RABGAP1: variants seen among roughly 807,000 people sequenced by gnomAD.
RABGAP1 encodes RAB GTPase activating protein 1.
Under a neutral mutation model 137.6 loss-of-function variants are expected in RABGAP1, and 23 were observed. The ratio of observed to expected loss-of-function variants is 0.17; its 90% CI spans 0.12 to 0.24. The LOEUF (loss-of-function observed/expected upper bound fraction) is 0.24. Ranked by LOEUF, RABGAP1 falls within the 10% of genes least tolerant of loss-of-function variation. The pLI is 1.00. For missense variants in RABGAP1, 906 were observed against 1,275.8 expected (o/e 0.71, Z 4.42); for synonymous variants, 451 against 450.7 (o/e 1.00, Z -0.01).
intron 22 of RABGAP1, among the ~76,000 whole-genome samples, chr9:123,098,113 C>A (rs765092195): frequency 6.6e-6 from 1 of 152,220 alleles, no homozygotes; most frequent in Non-Finnish European, 1.5e-5. Context: ...GGGTAGAATT[C>A]CTGCAGAAGG....
intron 13 of RABGAP1, among the ~76,000 whole-genome samples, chr9:123,057,928 C>T (rs946173715): frequency 6.6e-6 from 1 of 152,220 alleles, no homozygotes; most frequent in African/African-American, 2.4e-5. Context: ...CGGCGCGCGC[C>T]TGCAATCACA....
intron 13 of RABGAP1, among the ~76,000 whole-genome samples, chr9:123,044,357 T>C (rs1031246099): frequency 6.6e-6 from 1 of 152,216 alleles, no homozygotes; most frequent in Admixed American, 6.5e-5. Flanking sequence ...TATGGTTCTT[T>C]ACAAAGCCAT....
intron 13 of RABGAP1, among the ~76,000 whole-genome samples, chr9:123,053,646 G>T (rs1417737007): frequency 6.6e-6 from 1 of 152,126 alleles, no homozygotes. Flanking sequence ...GTGGGTTTTG[G>T]TGGTGTTTTT....
intron 2 of RABGAP1, among the ~76,000 whole-genome samples, chr9:122,981,510 A>G (rs1041309067): frequency 2.8e-4 from 43 of 152,296 alleles, no homozygotes; most frequent in African/African-American, 7.7e-4. Flanking sequence ...CTCAGAGTGC[A>G]GTTCCCAGAC....
At position 122,944,431 on chromosome 9, in the gene RABGAP1, T is replaced by C. The variant is rs1833817217; in HGVS notation, c.-50+3338T>C. 2.0e-5 allele frequency among the ~76,000 whole-genome samples: 3 copies of C among 152,174 alleles called. No homozygotes were observed. In the South Asian group the frequency reaches 6.2e-4, roughly 31 times the overall value. ...TGTTTGTAGAGACTGGGTTTCACTG[T>C]GTGGCCCAAGCTGTTATCAAACACC... On this transcript the variant is annotated intron_variant, in intron 1 of 25. Coordinates refer to ENST00000373647, the MANE Select transcript of RABGAP1 (RefSeq NM_012197.4).
intron 11 of RABGAP1, among the ~76,000 whole-genome samples, chr9:123,011,101 C>T (rs1177439654): frequency 6.6e-6 from 1 of 151,768 alleles, no homozygotes; most frequent in Admixed American, 6.6e-5. Context: ...GGAAGGGAGC[C>T]ACAGGAAACA....
At chr9:123,089,905 A>AAAGC in intron 20 of RABGAP1, 55 bp downstream of exon 20, 2 of 1,456,530 alleles carry the variant, frequency 1.4e-6, no homozygotes, top group Non-Finnish European at 1.9e-6. Flanking sequence ...ATTTCATATG[A>AAAGC]TTGCGCCTGT....
At chr9:123,035,585 G>A (rs2032595453) in intron 13 of RABGAP1, 1 of 1,601,564 alleles carries the variant, frequency 6.2e-7, no homozygotes, top group African/African-American at 1.3e-5. Context: ...ACAGTTAGAA[G>A]CAAAGGCCCT....
At chr9:122,956,904 T>C (rs570297286) in intron 1 of RABGAP1, 107 bp from the exon 2 acceptor site, 4 of 506,560 alleles carry the variant, frequency 7.9e-6, no homozygotes, top group African/African-American at 4.0e-5. Context: ...GAAAATATTT[T>C]TGAAGCATTT....
At chr9:122,956,913 T>G (rs1834557325) in intron 1 of RABGAP1, 98 bp from the exon 2 acceptor site, 3 of 609,756 alleles carry the variant, frequency 4.9e-6, no homozygotes, top group Non-Finnish European at 7.1e-6. Flanking sequence ...TTTGAAGCAT[T>G]TAAAAAAAAA....
intron 23 of RABGAP1, among the ~76,000 whole-genome samples, 187 bp from the exon 24 acceptor site, chr9:123,099,291 G>GTAT (rs1432716070): frequency 6.6e-6 from 1 of 152,182 alleles, no homozygotes; most frequent in Non-Finnish European, 1.5e-5. Context: ...TCCTAGGCCA[G>GTAT]TGAATGCAGA....
intron 13 of RABGAP1, among the ~76,000 whole-genome samples, chr9:123,032,087 A>G (rs2032330459): frequency 6.6e-6 from 1 of 152,226 alleles, no homozygotes; most frequent in African/African-American, 2.4e-5. Flanking sequence ...CAGGCCCTTC[A>G]GGATTCAGAG....
chr9:122,949,695 A>C (rs1247183702), intron 1 of RABGAP1, among the ~76,000 whole-genome samples: 2 of 141,930 alleles, frequency 1.4e-5, no homozygotes, highest in African/African-American at 5.0e-5. Flanking sequence ...CTCTGTCTCA[A>C]AAAAAAAAAA....
chr9:122,932,800 G>C, the RABGAP1 span, among the ~76,000 whole-genome samples: 14 of 152,188 alleles, frequency 9.2e-5, no homozygotes, highest in Admixed American at 2.6e-4. Context: ...CCAAAGTGCT[G>C]GGATTACAGG....
rs768620714 is a variant in RABGAP1 at position 122,997,245 on chromosome 9, C to T, written c.1102-14C>T. ...ACTGTGGCATTCGGGTTTATTTTTA[C>T]TCTTTTTTTCTAGGAATCTATGGGC... is the stretch of plus-strand genomic sequence containing the variant. On this transcript the variant is annotated splice_polypyrimidine_tract_variant and intron_variant, in intron 8 of 25. Transcript: ENST00000373647. 2 of 1,580,488 alleles carry T rather than the reference C, an allele frequency of 1.3e-6. No individual in the cohort carries two copies. Among genetic ancestry groups the T allele is most frequent in the Non-Finnish European group, 1.7e-6 (2 of 1,158,560 alleles).
chr9:122,975,239 A>G (rs967472848), intron 2 of RABGAP1, among the ~76,000 whole-genome samples: 2 of 152,228 alleles, frequency 1.3e-5, no homozygotes, highest in Admixed American at 1.3e-4. Flanking sequence ...TTGAGGGCCT[A>G]AATATCCTTC....
At chr9:122,988,666 G>A (rs1009347596) in intron 4 of RABGAP1, among the ~76,000 whole-genome samples, 25 of 151,894 alleles carry the variant, frequency 1.6e-4, no homozygotes, top group Non-Finnish European at 1.3e-4. Context: ...GCACAGCTTT[G>A]CCCAGGTGTG....
intron 18 of RABGAP1, 61 bp from the exon 19 acceptor site, chr9:123,076,573 A>G: frequency 1.3e-6 from 2 of 1,522,612 alleles, no homozygotes; most frequent in Admixed American, 2.2e-5. Context: ...GAATATAAAA[A>G]ACTTCTTGTG....
At chr9:123,011,327 G>A (rs1215751691) in intron 11 of RABGAP1, among the ~76,000 whole-genome samples, 1 of 152,168 alleles carries the variant, frequency 6.6e-6, no homozygotes, top group African/African-American at 2.4e-5. Context: ...ACTTTTAAGT[G>A]CAAGGAGAAT....
Sources: gnomAD v4.1 joint callset for allele counts (sites outside exome capture counted in the v4.1 genomes callset) on GRCh38, gnomAD v4.1.1 for gene constraint, MANE v1.5 for transcripts, NCBI Gene and HGNC (gene_info 2026-07-23, HGNC 2026-07-21) for gene names.